TRIM2: variants seen among roughly 807,000 people sequenced by gnomAD.
TRIM2 encodes the protein tripartite motif containing 2, also known as tripartite motif-containing protein 2.
A neutral mutation model predicts 75.2 loss-of-function variants in TRIM2; 20 were observed. The ratio of observed to expected loss-of-function variants is 0.27; its 90% CI spans 0.19 to 0.39. TRIM2 has a LOEUF of 0.39. Among genes scored for constraint, TRIM2 ranks in the 10% least tolerant of loss-of-function variants. The pLI is 1.00. For missense variants in TRIM2, 660 were observed against 990.8 expected (o/e 0.67, Z 4.48); for synonymous variants, 373 against 388.3 (o/e 0.96, Z 0.46).
chr4:153,338,113 T>C lies in TRIM2; in HGVS notation c.*3147T>C. 1.0e-6 allele frequency: 1 copy of C among 985,880 alleles called. No homozygotes were observed. Among genetic ancestry groups the C allele is most frequent in the Non-Finnish European group, 1.2e-6 (1 of 829,942 alleles). The allele number at this position is 985,880 out of a possible 1,614,324, so 61.1% of individuals were successfully genotyped here. A position where few individuals can be genotyped will look rare whatever the true frequency, so the allele number is the denominator to read the frequency against. On this transcript the variant is annotated 3_prime_UTR_variant, in exon 12 of 12. Transcript: ENST00000338700. ...GAAGCAAATAAATACTCCAGATCCATGCAGCTAGAACACACTTGCTTCCAC... is the reference window on the plus strand; with the variant it reads ...GAAGCAAATAAATACTCCAGATCCACGCAGCTAGAACACACTTGCTTCCAC...
intron 1 of TRIM2, among the ~76,000 whole-genome samples, chr4:153,197,667 T>C (rs776142152): frequency 6.6e-6 from 1 of 151,814 alleles, no homozygotes; most frequent in Non-Finnish European, 1.5e-5. Flanking sequence ...AGGTCAGGAG[T>C]TCGAGACCAG....
chr4:153,326,684 C>G (rs1167973178), intron 10 of TRIM2, among the ~76,000 whole-genome samples: 3 of 152,152 alleles, frequency 2.0e-5, no homozygotes, highest in Non-Finnish European at 4.4e-5. Flanking sequence ...CATATTGACT[C>G]AGAAAGATAA....
chr4:153,244,437 T>TCTTCTTCTTCCTCTTCTTC (rs1206105496), intron 1 of TRIM2, among the ~76,000 whole-genome samples: 2 of 102,522 alleles, frequency 2.0e-5, no homozygotes, highest in African/African-American at 5.4e-5. Flanking sequence ...TTCTTCTTCT[T>TCTTCTTCTTCCTCTTCTTC]TTAATTAGAG....
intron 1 of TRIM2, among the ~76,000 whole-genome samples, chr4:153,240,969 C>T (rs1265562288): frequency 2.6e-5 from 4 of 152,160 alleles, no homozygotes; most frequent in Admixed American, 2.6e-4. Flanking sequence ...CCCAGCTACT[C>T]CGGAGGCTGA....
At chr4:153,200,885 C>T (rs942680401), upstream of TRIM2, among the ~76,000 whole-genome samples, 8 of 151,206 alleles carry the variant, frequency 5.3e-5, 1 homozygote, top group Admixed American at 4.6e-4. Context: ...CTCCTGGGCT[C>T]AAGTGATCCT....
At chr4:153,282,749 GT>G (rs1049462590) in intron 3 of TRIM2, among the ~76,000 whole-genome samples, 2 of 150,018 alleles carry the variant, frequency 1.3e-5, no homozygotes, top group African/African-American at 2.5e-5. Context: ...AGCCTGGCCT[GT>G]TTTTTTTGTT....
chr4:153,297,484 G>T (rs2150152657), intron 6 of TRIM2, among the ~76,000 whole-genome samples: 1 of 152,310 alleles, frequency 6.6e-6, no homozygotes, highest in South Asian at 2.1e-4. Flanking sequence ...CAAGCTGAAT[G>T]CCTGACATGT....
intron 6 of TRIM2, chr4:153,307,821 A>G (rs1462573488): frequency 1.1e-5 from 8 of 729,956 alleles, no homozygotes; most frequent in Admixed American, 3.6e-5. Flanking sequence ...GTAATAGTAC[A>G]GGGACTTGCT....
At chr4:153,156,457 C>A (rs551297701) in intron 1 of TRIM2, among the ~76,000 whole-genome samples, 2 of 152,128 alleles carry the variant, frequency 1.3e-5, no homozygotes, top group African/African-American at 4.8e-5. Context: ...TTCTTAACCA[C>A]GCCTGCCACC....
chr4:153,276,428 G>A (rs929725794), intron 3 of TRIM2, among the ~76,000 whole-genome samples: 4 of 152,046 alleles, frequency 2.6e-5, no homozygotes, highest in African/African-American at 9.7e-5. Context: ...TAAATTTATG[G>A]ATACGGATTT....
rs1194389131 is a variant in TRIM2, at chr4:153,311,863, A to G, written c.1511-3622A>G. Reference sequence around the variant, plus strand: ...GCACGAGCTATGATGCCTGGCCTATAAAATGTTTTTGATAAATGAAGTTTT... The same window carrying G: ...GCACGAGCTATGATGCCTGGCCTATGAAATGTTTTTGATAAATGAAGTTTT... On this transcript the variant is annotated intron_variant, in intron 6 of 11. Transcript: ENST00000338700. Among the ~76,000 whole-genome samples, 7 of 150,836 alleles carry G rather than the reference A, an allele frequency of 4.6e-5. No individual in the cohort carries two copies. The East Asian group carries it at 7.7e-4, about 17-fold the overall frequency.
At chr4:153,197,155 G>A (rs1733862732) in intron 1 of TRIM2, among the ~76,000 whole-genome samples, 1 of 152,142 alleles carries the variant, frequency 6.6e-6, no homozygotes, top group Non-Finnish European at 1.5e-5. Context: ...CTTTCTCAAA[G>A]AAATATGAAG....
chr4:153,313,627 C>CTTTTTTTTTTTT (rs398051309), intron 6 of TRIM2, among the ~76,000 whole-genome samples: 7 of 98,526 alleles, frequency 7.1e-5, no homozygotes, highest in African/African-American at 3.1e-4. Flanking sequence ...AGCAATGGCT[C>CTTTTTTTTTTTT]TTTTTTTTTT....
chr4:153,256,917 G>GT, intron 1 of TRIM2, among the ~76,000 whole-genome samples: 1 of 152,226 alleles, frequency 6.6e-6, no homozygotes, highest in South Asian at 2.1e-4. Context: ...CTGTTTGTTT[G>GT]TTTGTTTGTT....
intron 3 of TRIM2, among the ~76,000 whole-genome samples, chr4:153,290,470 C>A (rs147337867): frequency 6.6e-6 from 1 of 152,198 alleles, no homozygotes; most frequent in Admixed American, 6.5e-5. Flanking sequence ...TGCCCCTCAG[C>A]GAATAATTAT....
Position 153,315,759 on chromosome 4 carries a change from A to G in TRIM2, c.1615-73A>G. ...GTTCTGATCTCTGTATGTATGGCAG[A>G]TGTTTCTGCCTATGCCTTCCTCAGC... On this transcript the variant is annotated intron_variant, in intron 7 of 11. Transcript: ENST00000338700. 1.9e-6 allele frequency: 3 copies of G among 1,563,386 alleles called. No homozygotes were observed. The South Asian group carries it at 3.4e-5, about 17-fold the overall frequency.
At position 153,322,829 on chromosome 4, in the gene TRIM2, G is replaced by T. The variant is rs1467464132; in HGVS notation, c.1951+13G>T. 1 of 1,614,008 alleles carries T rather than the reference G, an allele frequency of 6.2e-7. No individual in the cohort carries two copies. ...AGGCAGTTTGCAGGTACACTCGATG[G>T]TAATATGTAAACCCCCTTTTTTATG... is the stretch of plus-strand genomic sequence containing the variant. On this transcript the variant is annotated intron_variant, in intron 9 of 11. Transcript: ENST00000338700.
At chr4:153,206,514 C>G (rs1449921438) in intron 1 of TRIM2, among the ~76,000 whole-genome samples, 1 of 152,096 alleles carries the variant, frequency 6.6e-6, no homozygotes, top group Non-Finnish European at 1.5e-5. Flanking sequence ...GGTCTTGGAG[C>G]TTTCATGTCC....
chr4:153,212,684 A>G (rs1737390332), intron 1 of TRIM2, among the ~76,000 whole-genome samples: 1 of 152,156 alleles, frequency 6.6e-6, no homozygotes, highest in Non-Finnish European at 1.5e-5. Context: ...AAAGAAAAAG[A>G]AAAGAGGTGG....
Sources: gnomAD v4.1 joint callset for allele counts (sites outside exome capture counted in the v4.1 genomes callset) on GRCh38, gnomAD v4.1.1 for gene constraint, MANE v1.5 for transcripts, NCBI Gene and HGNC (gene_info 2026-07-23, HGNC 2026-07-21) for gene names.